LARGE1: variants seen among roughly 807,000 people sequenced by gnomAD.
LARGE1 encodes xylosyl- and glucuronyltransferase LARGE1.
A neutral mutation model predicts 87.6 loss-of-function variants in LARGE1; 43 were observed. The observed-to-expected ratio is 0.49, with a 90% CI of 0.38 to 0.63. The LOEUF (loss-of-function observed/expected upper bound fraction) is 0.63, where lower values mean the gene tolerates loss of function less well. Among genes scored for constraint, LARGE1 ranks in the 30% least tolerant of loss-of-function variants. The probability of loss-of-function intolerance (pLI) is 0.00; values close to 1 mark genes in which losing one functional copy is unlikely to be tolerated. For synonymous variants in LARGE1, 434 were observed against 394.6 expected, an observed-to-expected ratio of 1.10 and a Z score of -1.18; for missense variants, 802 against 1,000.2, an observed-to-expected ratio of 0.80 and a Z score of 2.67.
At chr22:33,538,008 G>C (rs1378883546) in intron 6 of LARGE1, among the ~76,000 whole-genome samples, 1 of 152,216 alleles carries the variant, frequency 6.6e-6, no homozygotes, top group Non-Finnish European at 1.5e-5. Flanking sequence ...CTGAGGCAGA[G>C]TGCCCAACCC....
At chr22:33,529,121 G>A (rs1213918170) in intron 6 of LARGE1, among the ~76,000 whole-genome samples, 1 of 152,038 alleles carries the variant, frequency 6.6e-6, no homozygotes, top group African/African-American at 2.4e-5. Context: ...ATCAGCTTAT[G>A]CCTTAGCCAA....
intron 4 of LARGE1, among the ~76,000 whole-genome samples, chr22:33,622,625 C>T (rs1486858698): frequency 6.6e-6 from 1 of 152,170 alleles, no homozygotes; most frequent in East Asian, 1.9e-4. Flanking sequence ...TGCCACTGGG[C>T]TGTACGTAAG....
chr22:33,626,413 G>T, intron 3 of LARGE1, 87 bp from the exon 4 acceptor site: 1 of 1,024,470 alleles, frequency 9.8e-7, no homozygotes, highest in Non-Finnish European at 1.5e-6. Context: ...AAGAAAAATT[G>T]CCCTGATTTC....
At chr22:33,688,410 G>A (rs2082003209) in intron 2 of LARGE1, among the ~76,000 whole-genome samples, 1 of 152,146 alleles carries the variant, frequency 6.6e-6, no homozygotes, top group Non-Finnish European at 1.5e-5. Context: ...GGAATGCAAT[G>A]GTGCGATCTC....
chr22:33,461,576 AC>A (rs2068383699), intron 6 of LARGE1, among the ~76,000 whole-genome samples: 1 of 151,774 alleles, frequency 6.6e-6, no homozygotes. Context: ...TGGGTGCAGC[AC>A]ACCAACATGG....
chr22:33,517,319 AC>A (rs1198004491), intron 6 of LARGE1, among the ~76,000 whole-genome samples: 1 of 151,942 alleles, frequency 6.6e-6, no homozygotes, highest in Non-Finnish European at 1.5e-5. Context: ...CTAAAGACGC[AC>A]TCTAACCTCT....
intron 11 of LARGE1, among the ~76,000 whole-genome samples, chr22:33,218,206 A>G (rs1925300261): frequency 6.6e-6 from 1 of 152,220 alleles, no homozygotes; most frequent in Non-Finnish European, 1.5e-5. Context: ...CTGGGATTAC[A>G]GGCATGAGCC....
intron 2 of LARGE1, among the ~76,000 whole-genome samples, chr22:33,745,672 C>G (rs975965886): frequency 1.3e-5 from 2 of 152,154 alleles, no homozygotes; most frequent in Non-Finnish European, 2.9e-5. Context: ...AGCAGGCTGA[C>G]CCTAATCTGC....
intron 7 of LARGE1, among the ~76,000 whole-genome samples, chr22:33,415,141 G>A (rs1198300745): frequency 1.3e-5 from 2 of 152,222 alleles, no homozygotes; most frequent in African/African-American, 4.8e-5. Context: ...CCAGCACCCT[G>A]CAGCCCAGCT....
intron 7 of LARGE1, among the ~76,000 whole-genome samples, chr22:33,387,849 A>G (rs2065382146): frequency 6.6e-6 from 1 of 152,210 alleles, no homozygotes; most frequent in Non-Finnish European, 1.5e-5. Flanking sequence ...ATGAATACCC[A>G]CCACCTAGAT....
intron 2 of LARGE1, among the ~76,000 whole-genome samples, chr22:33,740,040 T>C (rs887056952): frequency 4.6e-5 from 7 of 152,150 alleles, no homozygotes; most frequent in African/African-American, 1.4e-4. Flanking sequence ...CCTACTGGGA[T>C]CATCTGACTG....
intron 5 of LARGE1, among the ~76,000 whole-genome samples, chr22:33,579,064 T>C (rs915126794): frequency 1.3e-5 from 2 of 152,162 alleles, no homozygotes; most frequent in Non-Finnish European, 2.9e-5. Context: ...ATTGTTACAA[T>C]GGATTTTTAA....
chr22:33,709,609 C>A (rs1314707438), intron 2 of LARGE1, among the ~76,000 whole-genome samples: 9 of 151,640 alleles, frequency 5.9e-5, no homozygotes, highest in Admixed American at 3.9e-4. Context: ...TACCTACTCT[C>A]CATTTTAATT....
chr22:33,659,181 G>A (rs763436739), intron 2 of LARGE1, among the ~76,000 whole-genome samples: 1 of 152,080 alleles, frequency 6.6e-6, no homozygotes, highest in South Asian at 2.1e-4. Context: ...CCAATCACAG[G>A]TCACCTTATT....
At chr22:33,911,212 C>T (rs746454380) in intron 1 of LARGE1, among the ~76,000 whole-genome samples, 4 of 152,148 alleles carry the variant, frequency 2.6e-5, no homozygotes, top group Non-Finnish European at 5.9e-5. Flanking sequence ...GTTCTGGTTC[C>T]ACCTCCCCTC....
chr22:33,755,379 G>A (rs2084472816), intron 2 of LARGE1, among the ~76,000 whole-genome samples: 1 of 152,114 alleles, frequency 6.6e-6, no homozygotes, highest in Non-Finnish European at 1.5e-5. Flanking sequence ...CCTGACAATG[G>A]GAAACCTTTG....
At chr22:33,641,747 A>T (rs1170588940) in intron 3 of LARGE1, among the ~76,000 whole-genome samples, 1 of 152,226 alleles carries the variant, frequency 6.6e-6, no homozygotes, top group Non-Finnish European at 1.5e-5. Context: ...ATACACAAGT[A>T]TCGATAGCCG....
intron 1 of LARGE1, among the ~76,000 whole-genome samples, chr22:33,801,461 T>C (rs1601649534): frequency 6.6e-6 from 1 of 152,212 alleles, no homozygotes; most frequent in African/African-American, 2.4e-5. Context: ...CCTGATGTTG[T>C]TGAGCATCTT....
chr22:33,124,356 A>AGAAGGAAG, the LARGE1 span, among the ~76,000 whole-genome samples: 3,208 of 64,344 alleles, frequency 0.05, 156 homozygotes, highest in African/African-American at 0.086. Context: ...AAGAAAGGAA[A>AGAAGGAAG]GAAGGAAGGA....
Sources: gnomAD v4.1 joint callset for allele counts (sites outside exome capture counted in the v4.1 genomes callset) on GRCh38, gnomAD v4.1.1 for gene constraint, MANE v1.5 for transcripts, NCBI Gene and HGNC (gene_info 2026-07-23, HGNC 2026-07-21) for gene names.